USP8: variants seen among roughly 807,000 people sequenced by gnomAD.
USP8 encodes the protein ubiquitin carboxyl-terminal hydrolase 8.
USP8 carries 27 observed loss-of-function variants against 130.0 expected under a neutral mutation model. The observed-to-expected ratio is 0.21, with a 90% CI of 0.15 to 0.29. USP8 has a LOEUF of 0.29. USP8 is among the 10% of genes least tolerant of loss of function. The pLI is 1.00. For synonymous variants in USP8, 392 were observed against 444.1 expected (o/e 0.88, Z 1.48); for missense variants, 1,029 against 1,312.2 (o/e 0.78, Z 3.33).
chr15:50,492,588 G>C (rs2052217740), intron 14 of USP8, 113 bp from the exon 15 acceptor site: 1 of 1,017,576 alleles, frequency 9.8e-7, no homozygotes, highest in Middle Eastern at 2.1e-4. Flanking sequence ...CATATTAACT[G>C]TTTACAAGAT....
Position 50,477,395 on chromosome 15 carries a change from A to C in USP8, c.1114A>C (p.Met372Leu). The change falls in exon 10 of 20, where the codon ATG becomes CTG. Residue 372 changes from methionine (M) to leucine (L), a missense_variant. Physicochemically the swap from Met to Leu is conservative, Grantham distance 15. Around this residue, in one of 4 missense-constraint regions of USP8, gnomAD observed 486 missense variants for 522.0 expected, o/e 0.93. Transcript: ENST00000307179. Reference protein sequence around the residue: ...IELISGQNERMGPLNISTPVE... With the variant: ...IELISGQNERLGPLNISTPVE... The stretch of plus-strand genomic sequence containing the variant: ...ATTGATAAGTGGTCAAAATGAGAGA[A>C]TGGGACCACTGAATATATCAACTCC... 1 of 1,614,182 alleles carries C rather than the reference A, an allele frequency of 6.2e-7. No homozygotes were observed. The highest frequency in any genetic ancestry group is 2.2e-5 in the East Asian group (1 of 44,880).
intron 4 of USP8, among the ~76,000 whole-genome samples, chr15:50,450,916 C>G (rs532544830): frequency 6.6e-6 from 1 of 152,022 alleles, no homozygotes; most frequent in African/African-American, 2.4e-5. Context: ...CAATATGATA[C>G]AGAAGGAGAG....
chr15:50,467,773 TCTCAAACTCCTGGG>T (rs2051239241), intron 7 of USP8, among the ~76,000 whole-genome samples: 1 of 151,802 alleles, frequency 6.6e-6, no homozygotes, highest in African/African-American at 2.4e-5. Flanking sequence ...CCCAGACAGC[TCTCAAACTCCTGGG>T]CTCAAACAGT....
At chr15:50,490,650 T>G (rs1475319682) in intron 14 of USP8, 125 bp downstream of exon 14, 2 of 1,236,490 alleles carry the variant, frequency 1.6e-6, no homozygotes, top group African/African-American at 3.0e-5. Context: ...CCAGCCGTTA[T>G]TATTTACCAC....
intron 5 of USP8, among the ~76,000 whole-genome samples, chr15:50,461,658 G>C (rs112025890): frequency 0.14 from 20,786 of 152,010 alleles, 1,937 homozygotes; most frequent in Middle Eastern, 0.28. Context: ...ATCAAGACCA[G>C]CCTGGCCAAC....
intron 14 of USP8, among the ~76,000 whole-genome samples, chr15:50,491,286 T>G (rs905959943): frequency 1.4e-4 from 21 of 152,220 alleles, no homozygotes; most frequent in Non-Finnish European, 2.9e-4. Flanking sequence ...AATTAGGCTC[T>G]TTTAAGCCTA....
At position 50,506,699 on chromosome 15, in the gene USP8, T is replaced by TC. The variant is rs1432009099; in HGVS notation, c.*7612dup. On this transcript the variant is annotated 3_prime_UTR_variant, in exon 20 of 20. Transcript: ENST00000307179. ...TTCTAGCCAGGCGCGATGGCTCACG[T>TC]CTATAATCTCAGCACTTGGGGAGGC... 2 of 151,856 alleles carry TC rather than the reference T, an allele frequency of 1.3e-5. No individual in the cohort carries two copies. Among genetic ancestry groups the TC allele is most frequent in the African/African-American group, 4.8e-5 (2 of 41,338 alleles). 9.4% of individuals were successfully genotyped at this position (151,856 alleles called of 1,614,324 possible).
chr15:50,451,218 G>A (rs900430573), intron 4 of USP8, among the ~76,000 whole-genome samples: 9 of 152,146 alleles, frequency 5.9e-5, no homozygotes, highest in African/African-American at 1.4e-4. Flanking sequence ...GACCAGCCTG[G>A]CCAACATGGT....
rs1167342273 is a variant in USP8, at chr15:50,505,319, C to T, written c.*6231C>T. On this transcript the variant is annotated 3_prime_UTR_variant, in exon 20 of 20. Coordinates refer to ENST00000307179, the MANE Select transcript of USP8 (RefSeq NM_005154.5). ...AGAGAGTTTACCCACAAGAATCTAA[C>T]CTGCTGGTAGAAGTTCTCCATAGCA... is the stretch of plus-strand genomic sequence containing the variant. The T allele has an allele frequency of 6.6e-6, 1 of 152,096 alleles. No individual in the cohort carries two copies. The highest frequency in any genetic ancestry group is 1.5e-5 in the Non-Finnish European group (1 of 68,012). 9.4% of individuals were successfully genotyped at this position (152,096 alleles called of 1,614,324 possible). A position where few individuals can be genotyped will look rare whatever the true frequency, so the allele number is the denominator to read the frequency against.
chr15:50,465,035 C>G lies in USP8; in HGVS notation c.542-12C>G. The G allele has an allele frequency of 6.2e-7, 1 of 1,612,754 alleles. No individual in the cohort carries two copies. On this transcript the variant is annotated splice_polypyrimidine_tract_variant and intron_variant, in intron 6 of 19. Transcript: ENST00000307179. Reference sequence around the variant, plus strand: ...GTTTCTTGTCACTTACACTGTCTCTCTCAATTCCAAGGAGCAATCACAGCA... The same window carrying G: ...GTTTCTTGTCACTTACACTGTCTCTGTCAATTCCAAGGAGCAATCACAGCA...
At chr15:50,450,792 A>G (rs2050607437) in intron 4 of USP8, among the ~76,000 whole-genome samples, 1 of 152,168 alleles carries the variant, frequency 6.6e-6, no homozygotes, top group Non-Finnish European at 1.5e-5. Flanking sequence ...TTTAAAATTT[A>G]AATTGTTTCC....
In USP8 at chr15:50,465,179, C is replaced by T. The variant is rs1170430569; in HGVS notation, c.674C>T (p.Ala225Val). ...ILHSLSVPEEAISPGVTASWI... is the reference protein window; with the variant it reads ...ILHSLSVPEEVISPGVTASWI... ...CATTCTCTCAGTGTTCCTGAAGAAG[C>T]CATCAGTCCAGGGTGGGTTATTGTG... is the stretch of plus-strand genomic sequence containing the variant. The change falls in exon 7 of 20, where the codon GCC (alanine) becomes GTC (valine). Residue 225 changes from alanine (A) to valine (V), a missense_variant. Coordinates refer to ENST00000307179, the MANE Select transcript of USP8 (RefSeq NM_005154.5). The T allele has an allele frequency of 6.2e-7, 1 of 1,613,600 alleles. No homozygotes were observed. The highest frequency in any genetic ancestry group is 1.1e-5 in the South Asian group (1 of 91,046).
intron 5 of USP8, among the ~76,000 whole-genome samples, chr15:50,461,531 G>A (rs865832287): frequency 1.3e-4 from 20 of 151,270 alleles, no homozygotes; most frequent in Admixed American, 4.6e-4. Flanking sequence ...TACCATACAG[G>A]ATTATCCCAT....
intron 8 of USP8, among the ~76,000 whole-genome samples, chr15:50,472,589 T>A (rs1464976146): frequency 1.5e-5 from 2 of 129,544 alleles, no homozygotes; most frequent in East Asian, 2.2e-4. Flanking sequence ...AGAGCGAGAC[T>A]CTGTCTGGAA....
intron 7 of USP8, among the ~76,000 whole-genome samples, chr15:50,470,837 A>T (rs1045760503): frequency 3.3e-5 from 5 of 151,964 alleles, no homozygotes; most frequent in African/African-American, 4.8e-5. Context: ...ACCTCAGGTG[A>T]TCCACCCGCC....
In USP8 at chr15:50,502,249, A is replaced by T. The variant is rs1384671682; in HGVS notation, c.*3161A>T. 6.6e-6 allele frequency: 1 copy of T among 152,310 alleles called. No homozygotes were observed. The highest frequency in any genetic ancestry group is 6.5e-5 in the Admixed American group (1 of 15,268). 9.4% of individuals were successfully genotyped at this position (152,310 alleles called of 1,614,324 possible). ...CAGCCTTCCAAGTAGCTGGGAGACT[A>T]CAGGTGCCTGCCACCATGCCCAGCT... On this transcript the variant is annotated 3_prime_UTR_variant, in exon 20 of 20. Transcript: ENST00000307179.
intron 4 of USP8, among the ~76,000 whole-genome samples, chr15:50,450,462 C>CTCTTTTTTTTTTTTTTTTTTTTTT (rs2050590473): frequency 1.2e-5 from 1 of 80,444 alleles, no homozygotes; most frequent in East Asian, 3.8e-4. Context: ...GTTAGTCATT[C>CTCTTTTTTTTTTTTTTTTTTTTTT]TTTTTTTTTT....
At chr15:50,468,235 CTT>C (rs71424068) in intron 7 of USP8, among the ~76,000 whole-genome samples, 15 of 105,456 alleles carry the variant, frequency 1.4e-4, no homozygotes, top group Admixed American at 3.3e-4. Flanking sequence ...TGTACCTGGC[CTT>C]TTTTTTTTTT....
At position 50,449,499 on chromosome 15, in the gene USP8, G is replaced by A. The variant is rs1188040380; in HGVS notation, c.335+14G>A. ...CCTTAAATTAAGGTACAGATATTAT[G>A]AAATATTTAAAATAATGTAAATTTA... On this transcript the variant is annotated intron_variant, in intron 4 of 19. Coordinates refer to ENST00000307179, the MANE Select transcript of USP8 (RefSeq NM_005154.5). The A allele has an allele frequency of 2.7e-6, 4 of 1,460,450 alleles. No individual in the cohort carries two copies. Among genetic ancestry groups the A allele is most frequent in the African/African-American group, 2.9e-5 (2 of 69,168 alleles). The allele number at this position is 1,460,450 out of a possible 1,614,324, so 90.5% of individuals were successfully genotyped here.
Sources: gnomAD v4.1 joint callset for allele counts (sites outside exome capture counted in the v4.1 genomes callset) on GRCh38, gnomAD v4.1.1 for gene constraint, gnomAD v4.1.1 regional missense constraint, MANE v1.5 for transcripts, NCBI Gene and HGNC (gene_info 2026-07-23, HGNC 2026-07-21) for gene names.